The following HPSE2 variants were observed in gnomAD, a reference collection of about 807,000 sequenced individuals.
The protein encoded by HPSE2 is heparanase 2 (inactive).
A neutral mutation model predicts 60.5 loss-of-function variants in HPSE2; 38 were observed. The ratio of observed to expected loss-of-function variants is 0.63; its 90% confidence interval spans 0.48 to 0.82. The LOEUF is 0.82. Ranked by LOEUF, HPSE2 falls within the 40% of genes least tolerant of loss-of-function variation. The pLI is 0.00. For synonymous variants in HPSE2, 295 were observed against 293.2 expected (o/e 1.01, Z -0.06); for missense variants, 713 against 740.4 (o/e 0.96, Z 0.43).
At chr10:98,828,339 A>G (rs1023018523) in intron 3 of HPSE2, among the ~76,000 whole-genome samples, 2 of 152,204 alleles carry the variant, frequency 1.3e-5, no homozygotes, top group African/African-American at 2.4e-5. Context: ...AAGTTGGGAA[A>G]GAATAAAGAA....
At chr10:98,713,407 G>T (rs1370142929) in intron 5 of HPSE2, among the ~76,000 whole-genome samples, 1 of 151,860 alleles carries the variant, frequency 6.6e-6, no homozygotes, top group Non-Finnish European at 1.5e-5. Flanking sequence ...GGGTACTGAG[G>T]CAATCCAGGT....
the HPSE2 span, among the ~76,000 whole-genome samples, chr10:99,303,180 C>T: frequency 9.2e-5 from 14 of 152,130 alleles, no homozygotes; most frequent in Non-Finnish European, 1.9e-4. Flanking sequence ...AGCAAAAGCT[C>T]ATATTTTAAC....
At chr10:99,257,446 C>T in the HPSE2 span, among the ~76,000 whole-genome samples, 6 of 152,024 alleles carry the variant, frequency 3.9e-5, no homozygotes, top group African/African-American at 9.7e-5. Context: ...ATGGCCGCTT[C>T]GGGGGGCAGC....
At chr10:99,151,670 T>C (rs1280928533) in intron 2 of HPSE2, among the ~76,000 whole-genome samples, 2 of 152,064 alleles carry the variant, frequency 1.3e-5, no homozygotes, top group Non-Finnish European at 2.9e-5. Flanking sequence ...TTCCTCCAAT[T>C]TGAAACAATG....
chr10:98,730,829 C>T (rs973906724), intron 4 of HPSE2, among the ~76,000 whole-genome samples: 27 of 152,226 alleles, frequency 1.8e-4, no homozygotes, highest in African/African-American at 6.0e-4. Context: ...AAAAATCTTT[C>T]CACAAAGAAA....
At chr10:99,234,004 A>C (rs752812121) in intron 1 of HPSE2, among the ~76,000 whole-genome samples, 13 of 152,198 alleles carry the variant, frequency 8.5e-5, no homozygotes, top group African/African-American at 1.4e-4. Context: ...AAAAAGAAAG[A>C]AAGCTGGTGG....
chr10:98,951,798 A>G (rs1955364386), intron 3 of HPSE2, among the ~76,000 whole-genome samples: 1 of 152,184 alleles, frequency 6.6e-6, no homozygotes, highest in South Asian at 2.1e-4. Context: ...GGAGATGCTT[A>G]CTAAATAATA....
At chr10:99,136,767 A>C (rs1470404849) in intron 3 of HPSE2, among the ~76,000 whole-genome samples, 2 of 152,196 alleles carry the variant, frequency 1.3e-5, no homozygotes, top group Non-Finnish European at 2.9e-5. Flanking sequence ...ACTTATGACA[A>C]ATCCACAACC....
chr10:99,056,508 GT>G (rs996408126), intron 3 of HPSE2, among the ~76,000 whole-genome samples: 64 of 152,258 alleles, frequency 4.2e-4, no homozygotes, highest in African/African-American at 1.5e-3. Flanking sequence ...AGAAAAAAAG[GT>G]TATAAACCAA....
chr10:98,583,063 A>C (rs1944846709), intron 9 of HPSE2, among the ~76,000 whole-genome samples: 1 of 152,018 alleles, frequency 6.6e-6, no homozygotes, highest in South Asian at 2.1e-4. Context: ...ACAAATGCCT[A>C]CTCCGGGAAC....
intron 2 of HPSE2, among the ~76,000 whole-genome samples, chr10:99,159,710 G>C (rs1298729809): frequency 2.0e-5 from 3 of 151,952 alleles, no homozygotes; most frequent in Non-Finnish European, 4.4e-5. Context: ...AAATTTTCTA[G>C]ACAAAAATAT....
At chr10:98,556,918 C>T (rs1356521767) in intron 9 of HPSE2, among the ~76,000 whole-genome samples, 1 of 152,080 alleles carries the variant, frequency 6.6e-6, no homozygotes, top group African/African-American at 2.4e-5. Flanking sequence ...TATTATAAAG[C>T]TATAGTAATT....
chr10:98,795,382 A>G (rs545520693), intron 3 of HPSE2, among the ~76,000 whole-genome samples: 32 of 152,234 alleles, frequency 2.1e-4, no homozygotes, highest in Non-Finnish European at 4.3e-4. Flanking sequence ...ACAGCACAGC[A>G]GATGGGGGAC....
intron 3 of HPSE2, among the ~76,000 whole-genome samples, chr10:99,021,974 G>C (rs1957273519): frequency 6.6e-6 from 1 of 151,622 alleles, no homozygotes; most frequent in Non-Finnish European, 1.5e-5. Flanking sequence ...CATGTGCCAT[G>C]TTGGTGTGCT....
chr10:98,592,499 T>C (rs1945117053), intron 9 of HPSE2, among the ~76,000 whole-genome samples: 1 of 152,236 alleles, frequency 6.6e-6, no homozygotes, highest in African/African-American at 2.4e-5. Flanking sequence ...CCTGTCCATA[T>C]TTTTAACTTC....
intron 1 of HPSE2, 121 bp downstream of exon 1, chr10:99,235,391 TC>T: frequency 1.1e-6 from 1 of 933,034 alleles, no homozygotes; most frequent in Non-Finnish European, 1.7e-6. Flanking sequence ...AAACCTCTTT[TC>T]TTCTCTTTGA....
At position 98,642,245 on chromosome 10, in the gene HPSE2, C is replaced by CT. The variant is rs35861860; in HGVS notation, c.1005-306dup. 4.4e-3 allele frequency among the ~76,000 whole-genome samples: 673 copies of CT among 152,142 alleles called. 5 individuals are homozygous for CT. The highest frequency in any genetic ancestry group is 0.015 in the African/African-American group (613 of 41,498). On this transcript the variant is annotated intron_variant, in intron 6 of 11. Transcript: ENST00000370552. ...AATACAAATTGGATAATGAGGAATA[C>CT]TTTTTTTTCCCCTTGAGAAAGTAAT... is the stretch of plus-strand genomic sequence containing the variant.
chr10:98,484,603 AT>A (rs1941372591), intron 10 of HPSE2, among the ~76,000 whole-genome samples: 1 of 152,226 alleles, frequency 6.6e-6, no homozygotes, highest in South Asian at 2.1e-4. Flanking sequence ...TGTCTGCAAA[AT>A]TTCCCCCAGT....
Position 99,050,314 on chromosome 10 carries a change from C to A in HPSE2, c.610+93924G>T, listed in dbSNP as rs560106352. ...GAGACTCTGTCTCAAAAAAAAAAAA[C>A]CCCTAAAACTTGAAAAGATAACAAG... On this transcript the variant is annotated intron_variant, in intron 3 of 11. Coordinates refer to ENST00000370552, the MANE Select transcript of HPSE2 (RefSeq NM_021828.5). Among the ~76,000 whole-genome samples, 268 of 149,100 alleles carry A rather than the reference C, an allele frequency of 1.8e-3. 2 individuals carry two copies. The highest frequency in any genetic ancestry group is 5.3e-3 in the African/African-American group (216 of 40,744).
Sources: allele counts gnomAD v4.1 joint callset (sites outside exome capture counted in the v4.1 genomes callset), GRCh38; gene constraint gnomAD v4.1.1; transcripts MANE v1.5; gene names NCBI Gene and HGNC (gene_info 2026-07-23, HGNC 2026-07-21).